Variants in VIRMA observed in about 807,000 individuals in gnomAD.
VIRMA encodes vir like m6A methyltransferase associated.
In VIRMA, 65 loss-of-function variants were observed where a neutral mutation model predicts 182.4. The ratio of observed to expected loss-of-function variants is 0.36; its 90% CI spans 0.29 to 0.44. VIRMA has a LOEUF of 0.44. Ranked by LOEUF, VIRMA falls within the 20% of genes least tolerant of loss-of-function variation. VIRMA has a pLI of 1.00. For missense variants in VIRMA, 1,752 were observed against 2,158.1 expected (o/e 0.81, Z 3.73); for synonymous variants, 709 against 743.1 (o/e 0.95, Z 0.75).
chr8:94,544,955 A>C (rs1291617940), intron 1 of VIRMA, among the ~76,000 whole-genome samples: 2 of 152,118 alleles, frequency 1.3e-5, no homozygotes, highest in Non-Finnish European at 2.9e-5. Context: ...ACCACAAACT[A>C]AGAGTTTATT....
In VIRMA at chr8:94,509,932, T is replaced by C; in HGVS notation, c.3635A>G (p.Glu1212Gly). Reference protein sequence around the residue: ...LIVEDLQSTSEDKEKQYTSQT... With the variant: ...LIVEDLQSTSGDKEKQYTSQT... Reference sequence around the variant, plus strand: ...GCTAGTATACTGTTTTTCTTTATCTTCTGAAGTGCTGAAATAAAATCGATA... The same window carrying C: ...GCTAGTATACTGTTTTTCTTTATCTCCTGAAGTGCTGAAATAAAATCGATA... The change falls in exon 15 of 24, where the codon GAA becomes GGA. Residue 1212 changes from glutamate (E) to glycine (G), a missense_variant. Around this residue, in one of 11 missense-constraint regions of VIRMA, gnomAD observed 777 missense variants for 920.6 expected, o/e 0.84. Transcript: ENST00000297591. The C allele has an allele frequency of 6.2e-7, 1 of 1,602,900 alleles. No individual in the cohort carries two copies. The highest frequency in any genetic ancestry group is 1.1e-5 in the South Asian group (1 of 88,918).
chr8:94,520,898 C>T (rs1814737202), intron 8 of VIRMA, among the ~76,000 whole-genome samples: 2 of 152,142 alleles, frequency 1.3e-5, no homozygotes, highest in African/African-American at 4.8e-5. Flanking sequence ...AGTATTACCA[C>T]ACATAGCACT....
intron 9 of VIRMA, among the ~76,000 whole-genome samples, chr8:94,518,151 T>C (rs192966299): frequency 6.6e-6 from 1 of 152,304 alleles, no homozygotes; most frequent in African/African-American, 2.4e-5. Flanking sequence ...TAAAAAAGCA[T>C]ACATATCACC....
At chr8:94,528,960 G>C (rs1563474481) in intron 7 of VIRMA, 110 bp downstream of exon 7, 1 of 1,389,676 alleles carries the variant, frequency 7.2e-7, no homozygotes, top group East Asian at 2.3e-5. Flanking sequence ...TCTGACCCTG[G>C]GTTTCTTGGA....
At chr8:94,507,911 G>GTATA (rs370897217) in intron 15 of VIRMA, among the ~76,000 whole-genome samples, 6 of 119,932 alleles carry the variant, frequency 5.0e-5, no homozygotes, top group East Asian at 2.1e-4. Flanking sequence ...ATGTATATAT[G>GTATA]TATGTGTATA....
intron 15 of VIRMA, among the ~76,000 whole-genome samples, chr8:94,506,949 T>C (rs3133639): frequency 0.27 from 41,037 of 152,092 alleles, 5,704 homozygotes; most frequent in South Asian, 0.45. Flanking sequence ...AATATTTTGA[T>C]TTACTTTTAC....
intron 22 of VIRMA, among the ~76,000 whole-genome samples, chr8:94,491,333 G>A (rs1301519438): frequency 1.3e-5 from 2 of 151,642 alleles, no homozygotes; most frequent in Admixed American, 6.6e-5. Context: ...AAGGCCGGGG[G>A]GAATAATTAG....
In VIRMA at chr8:94,530,369, C is replaced by T. The variant is rs1014786612; in HGVS notation, c.607+594G>A. Among the ~76,000 whole-genome samples, 3 of 151,664 alleles carry T rather than the reference C, an allele frequency of 2.0e-5. No homozygotes were observed. The East Asian group carries it at 5.8e-4, about 29-fold the overall frequency. On this transcript the variant is annotated intron_variant, in intron 6 of 23. Coordinates refer to ENST00000297591, the MANE Select transcript of VIRMA (RefSeq NM_015496.5). ...AAAATTAGCCAGGCGTGGTGGTATA[C>T]ACCTGTGGTCCTAGCCACTGGGGAG...
chr8:94,541,930 T>C (rs1240980961), intron 2 of VIRMA, among the ~76,000 whole-genome samples: 2 of 152,272 alleles, frequency 1.3e-5, no homozygotes, highest in Non-Finnish European at 2.9e-5. Flanking sequence ...TCTGATACTT[T>C]ATGTTTAGAG....
At chr8:94,523,363 T>C (rs77570801) in intron 8 of VIRMA, among the ~76,000 whole-genome samples, 6,075 of 152,278 alleles carry the variant, frequency 0.04, 132 homozygotes, top group Non-Finnish European at 0.05. Flanking sequence ...CCTTTTTGAC[T>C]CCAACATCTC....
intron 5 of VIRMA, among the ~76,000 whole-genome samples, chr8:94,533,050 T>G (rs1330781243): frequency 6.6e-6 from 1 of 151,672 alleles, no homozygotes; most frequent in Non-Finnish European, 1.5e-5. Context: ...TTAAAACAAA[T>G]CAGTAAATTG....
At chr8:94,525,340 C>T (rs1205343598) in intron 8 of VIRMA, among the ~76,000 whole-genome samples, 1 of 152,210 alleles carries the variant, frequency 6.6e-6, no homozygotes, top group Non-Finnish European at 1.5e-5. Context: ...AGTATAATAA[C>T]ACTTCCTTTA....
At position 94,520,981 on chromosome 8, in the gene VIRMA, C is replaced by T. The variant is rs142383810; in HGVS notation, c.2022-1505G>A. On this transcript the variant is annotated intron_variant, in intron 8 of 23. Coordinates refer to ENST00000297591, the MANE Select transcript of VIRMA (RefSeq NM_015496.5). ...TCCTGGTCTTAAGCAATTCTCTGGA[C>T]TCAAGTGATCCTTTTGCCTCATTCT... is the stretch of plus-strand genomic sequence containing the variant. Among the ~76,000 whole-genome samples, 987 of 152,262 alleles carry T rather than the reference C, an allele frequency of 6.5e-3. 19 individuals are homozygous for T. The highest frequency in any genetic ancestry group is 0.023 in the African/African-American group (939 of 41,564).
At chr8:94,541,490 A>G (rs1405745459) in intron 2 of VIRMA, among the ~76,000 whole-genome samples, 1 of 152,136 alleles carries the variant, frequency 6.6e-6, no homozygotes, top group African/African-American at 2.4e-5. Flanking sequence ...ATGCCCACAA[A>G]TATCACTTGA....
intron 8 of VIRMA, among the ~76,000 whole-genome samples, chr8:94,522,996 A>G (rs987278161): frequency 2.0e-5 from 3 of 152,102 alleles, no homozygotes; most frequent in Non-Finnish European, 4.4e-5. Flanking sequence ...ATATGGTGGG[A>G]AAAAAACACT....
chr8:94,507,871 T>TTATATATATATACATGTATACATGTA (rs888788095), intron 15 of VIRMA, among the ~76,000 whole-genome samples: 9 of 105,100 alleles, frequency 8.6e-5, no homozygotes, highest in African/African-American at 3.2e-4. Context: ...TCCCTCTACT[T>TTATATATATATACATGTATACATGTA]TATATATATA....
intron 11 of VIRMA, among the ~76,000 whole-genome samples, chr8:94,512,799 G>A (rs981996742): frequency 3.3e-5 from 5 of 151,890 alleles, no homozygotes; most frequent in Admixed American, 6.6e-5. Flanking sequence ...AATAAAAAGC[G>A]CTTTGAGTAC....
At chr8:94,492,533 A>G in intron 21 of VIRMA, 119 bp downstream of exon 21, 1 of 717,284 alleles carries the variant, frequency 1.4e-6, no homozygotes, top group Non-Finnish European at 2.2e-6. Flanking sequence ...CGGCCTCCCA[A>G]AATGCTGGGA....
Position 94,511,452 on chromosome 8 carries a change from A to G in VIRMA, c.3123T>C (p.His1041=). ...MRVPSALVTL[H]MLLCSIPLSG... ...AGAGGGGGATAGAGCACAGGAGCAT[A>G]TGTAAAGTAACAAGCGCTGAAGGAA... The change falls in exon 13 of 24, where the codon CAT becomes CAC. Residue 1041 remains histidine, a synonymous_variant. Transcript: ENST00000297591. 6.2e-7 allele frequency: 1 copy of G among 1,614,170 alleles called. No homozygotes were observed. The highest frequency in any genetic ancestry group is 8.5e-7 in the Non-Finnish European group (1 of 1,180,010).
Sources: gnomAD v4.1 joint callset for allele counts (sites outside exome capture counted in the v4.1 genomes callset) on GRCh38, gnomAD v4.1.1 for gene constraint, gnomAD v4.1.1 regional missense constraint, MANE v1.5 for transcripts, NCBI Gene and HGNC (gene_info 2026-07-23, HGNC 2026-07-21) for gene names.